The following AP2A2 variants were observed in gnomAD, a reference collection of about 807,000 sequenced individuals.
AP2A2 encodes adaptor related protein complex 2 subunit alpha 2, also known as AP-2 complex subunit alpha-2.
AP2A2 carries 32 observed loss-of-function variants against 104.2 expected under a neutral mutation model. The ratio of observed to expected loss-of-function variants is 0.31; its 90% CI spans 0.23 to 0.41. The LOEUF (loss-of-function observed/expected upper bound fraction) is 0.41, where lower values mean the gene tolerates loss of function less well. Ranked by LOEUF, AP2A2 falls within the 10% of genes least tolerant of loss-of-function variation. The pLI is 1.00. For missense variants in AP2A2, 912 were observed against 1,261.0 expected, an observed-to-expected ratio of 0.72 and a Z score of 4.19; for synonymous variants, 539 against 533.3, an observed-to-expected ratio of 1.01 and a Z score of -0.15.
chr11:940,108 C>T (rs1853596383), intron 1 of AP2A2, among the ~76,000 whole-genome samples: 1 of 151,908 alleles, frequency 6.6e-6, no homozygotes, highest in Non-Finnish European at 1.5e-5. Context: ...GTGTGTGCCA[C>T]CTGTCTGGTT....
intron 4 of AP2A2, 105 bp downstream of exon 4, chr11:972,360 ATCT>A: frequency 2.5e-6 from 3 of 1,218,490 alleles, no homozygotes; most frequent in East Asian, 5.1e-5. Context: ...TACTCTCCCC[ATCT>A]TATGGGAGAT....
intron 1 of AP2A2, among the ~76,000 whole-genome samples, chr11:936,206 CTTTTTTTTTTT>C (rs982315120): frequency 9.1e-6 from 1 of 110,050 alleles, no homozygotes; most frequent in African/African-American, 3.5e-5. Context: ...TGCGCCTGGC[CTTTTTTTTTTT>C]TTTTTTTTTT....
chr11:1,011,203 G>A lies in AP2A2; in HGVS notation c.*578G>A, dbSNP rs746904077. 2 of 521,098 alleles carry A rather than the reference G, an allele frequency of 3.8e-6. No individual in the cohort carries two copies. The highest frequency in any genetic ancestry group is 7.6e-6 in the Non-Finnish European group (2 of 261,488). 32.3% of individuals were successfully genotyped at this position (521,098 alleles called of 1,614,324 possible). On this transcript the variant is annotated 3_prime_UTR_variant, in exon 22 of 22. Coordinates refer to ENST00000448903, the MANE Select transcript of AP2A2 (RefSeq NM_012305.4). ...GTATTTGTAATGACTTCTGGCAAAA[G>A]CACGTGTCCTGGCCGGATGTAACTG... is the stretch of plus-strand genomic sequence containing the variant.
Position 993,885 on chromosome 11 carries a change from T to A in AP2A2, c.1682T>A (p.Val561Glu). Reference sequence around the variant, plus strand: ...GAGGTGAAGCCCACCATCCAGGACGTGCTGCGCAGCGACAGCCAGCTCAGG... The same window carrying A: ...GAGGTGAAGCCCACCATCCAGGACGAGCTGCGCAGCGACAGCCAGCTCAGG... ...FPEVKPTIQDVLRSDSQLRNA... is the reference protein window; with the variant it reads ...FPEVKPTIQDELRSDSQLRNA... The change falls in exon 13 of 22, where the codon GTG (valine) becomes GAG (glutamate). Residue 561 changes from valine (V) to glutamate (E), a missense_variant. By Grantham distance (121) the Val-to-Glu change is moderately radical. Transcript: ENST00000448903. The surrounding 1 kb of genome is among the most constrained non-coding windows in gnomAD (Gnocchi z 8.2). 1 of 1,610,744 alleles carries A rather than the reference T, an allele frequency of 6.2e-7. No individual in the cohort carries two copies. The highest frequency in any genetic ancestry group is 1.3e-5 in the African/African-American group (1 of 75,044).
In AP2A2 at chr11:988,886, TC is replaced by T. The variant is rs1440221603; in HGVS notation, c.1269+199del. 4 of 698,916 alleles carry T rather than the reference TC, an allele frequency of 5.7e-6. No homozygotes were observed. In the African/African-American group the frequency reaches 7.2e-5, roughly 13 times the overall value. The allele number at this position is 698,916 out of a possible 1,614,324, so 43.3% of individuals were successfully genotyped here. A position where few individuals can be genotyped will look rare whatever the true frequency, so the allele number is the denominator to read the frequency against. On this transcript the variant is annotated intron_variant, in intron 10 of 21. Transcript: ENST00000448903. ...TGGTGGCACCTGTGGTCCCCGCTAC[TC>T]CTGAGGTGGAGGCGGGAGGATCACC...
intron 2 of AP2A2, among the ~76,000 whole-genome samples, chr11:963,889 G>A (rs1854526487): frequency 6.6e-6 from 1 of 152,254 alleles, no homozygotes; most frequent in Admixed American, 6.5e-5. Flanking sequence ...ACCTCCCAAA[G>A]TGCTGGGATT....
intron 16 of AP2A2, among the ~76,000 whole-genome samples, chr11:1,004,803 A>G (rs1182201431): frequency 6.6e-6 from 1 of 152,210 alleles, no homozygotes; most frequent in Non-Finnish European, 1.5e-5. Context: ...AATAATGCAT[A>G]CATCATTATT....
At chr11:955,433 G>T in intron 1 of AP2A2, among the ~76,000 whole-genome samples, 1 of 152,232 alleles carries the variant, frequency 6.6e-6, no homozygotes, top group East Asian at 1.9e-4. Context: ...GCCGTCCGCT[G>T]GTCAGCCATC....
chr11:929,211 G>A (rs1039500639), intron 1 of AP2A2, among the ~76,000 whole-genome samples: 2 of 152,218 alleles, frequency 1.3e-5, no homozygotes, highest in Admixed American at 6.5e-5. Context: ...CACAGGCAGA[G>A]GGGTCCCCGC....
chr11:945,050 C>T (rs1853785832), intron 1 of AP2A2, among the ~76,000 whole-genome samples: 1 of 151,948 alleles, frequency 6.6e-6, no homozygotes, highest in Non-Finnish European at 1.5e-5. Context: ...AGAGGTCAGG[C>T]ATGGAATGCA....
intron 15 of AP2A2, 100 bp from the exon 16 acceptor site, chr11:1,003,622 T>G (rs1006029533): frequency 5.8e-6 from 4 of 684,356 alleles, no homozygotes; most frequent in Non-Finnish European, 7.1e-6. Context: ...CCATAGAGGT[T>G]TTTCTGGCCT....
intron 14 of AP2A2, among the ~76,000 whole-genome samples, chr11:997,277 C>T (rs183803670): frequency 5.3e-5 from 8 of 152,308 alleles, no homozygotes; most frequent in South Asian, 2.1e-4. Flanking sequence ...TGCGTGTCCC[C>T]GGGTGTGCTG....
At chr11:979,152 C>CT (rs1855155180) in intron 5 of AP2A2, among the ~76,000 whole-genome samples, 1 of 151,382 alleles carries the variant, frequency 6.6e-6, no homozygotes, top group African/African-American at 2.4e-5. Flanking sequence ...CGAGAGGCCT[C>CT]TTACAGTCTC....
At chr11:965,445 TTCCCTGTGATC>T (rs1232692732) in intron 2 of AP2A2, among the ~76,000 whole-genome samples, 1 of 152,230 alleles carries the variant, frequency 6.6e-6, no homozygotes, top group Non-Finnish European at 1.5e-5. Context: ...CCCAAATGGC[TTCCCTGTGATC>T]TTTATCCTTT....
Position 981,380 on chromosome 11 carries a change from A to G in AP2A2, c.705+81A>G. On this transcript the variant is annotated intron_variant, in intron 6 of 21. Transcript: ENST00000448903. ...TTTATTAGCTTATTTGTAGAATGCA[A>G]GGTATTTGATCAGTTTATAAATTCA... The G allele has an allele frequency of 5.8e-6, 7 of 1,215,188 alleles. 1 individual carries two copies. Among genetic ancestry groups the G allele is most frequent in the South Asian group, 4.0e-5 (3 of 74,258 alleles). 75.3% of individuals were successfully genotyped at this position (1,215,188 alleles called of 1,614,324 possible). A position where few individuals can be genotyped will look rare whatever the true frequency, so the allele number is the denominator to read the frequency against.
chr11:931,145 T>C (rs929676333), intron 1 of AP2A2, among the ~76,000 whole-genome samples: 5 of 152,196 alleles, frequency 3.3e-5, no homozygotes, highest in African/African-American at 9.6e-5. Flanking sequence ...TTGAGATTGC[T>C]TTTTTCCCCC....
At chr11:972,279 C>T (rs747765935) in intron 4 of AP2A2, 24 bp downstream of exon 4, 1 of 1,547,288 alleles carries the variant, frequency 6.5e-7, no homozygotes, top group East Asian at 2.3e-5. Context: ...TCGTGCCGGG[C>T]TCCTGCTGAA....
At position 1,011,614 on chromosome 11, in the gene AP2A2, C is replaced by A. The variant is rs1268600842; in HGVS notation, c.*989C>A. 3 of 404,438 alleles carry A rather than the reference C, an allele frequency of 7.4e-6. No individual in the cohort carries two copies. Among genetic ancestry groups the A allele is most frequent in the African/African-American group, 2.0e-5 (1 of 48,956 alleles). The allele number at this position is 404,438 out of a possible 1,614,324, so 25.1% of individuals were successfully genotyped here. ...GGCTGCACGTCTGACACCTGAGAGG[C>A]GAGAGAGTGGGGCCGGCCTAGGAGC... On this transcript the variant is annotated 3_prime_UTR_variant, in exon 22 of 22. Coordinates refer to ENST00000448903, the MANE Select transcript of AP2A2 (RefSeq NM_012305.4).
chr11:1,009,376 C>T lies in AP2A2; in HGVS notation c.2586C>T (p.Asp862=), dbSNP rs1169894577. The T allele has an allele frequency of 4.3e-6, 7 of 1,613,490 alleles. No individual in the cohort carries two copies. Among genetic ancestry groups the T allele is most frequent in the Non-Finnish European group, 5.9e-6 (7 of 1,179,718 alleles). ...QNIFKAKHPM[D]TEVTKAKIIG... The stretch of plus-strand genomic sequence containing the variant: ...TCTTCAAAGCAAAGCACCCAATGGA[C>T]ACAGAAGTCACCAAAGCCAAGGTAA... The change falls in exon 20 of 22, where the codon GAC becomes GAT. Residue 862 remains aspartate, a synonymous_variant. Transcript: ENST00000448903.
Sources: gnomAD v4.1 joint callset for allele counts (sites outside exome capture counted in the v4.1 genomes callset) on GRCh38, gnomAD v4.1.1 for gene constraint, Gnocchi (gnomAD v3.1) non-coding constraint, MANE v1.5 for transcripts, NCBI Gene and HGNC (gene_info 2026-07-23, HGNC 2026-07-21) for gene names.